Variants in TMLHE observed in about 807,000 individuals in gnomAD.
The protein encoded by TMLHE is trimethyllysine dioxygenase, mitochondrial.
Under a neutral mutation model 25.7 loss-of-function variants are expected in TMLHE, and 18 were observed. The ratio of observed to expected loss-of-function variants is 0.70; its 90% confidence interval spans 0.48 to 1.04. TMLHE has a LOEUF of 1.04. TMLHE is among the 50% of genes least tolerant of loss of function. The pLI is 0.00. For missense variants in TMLHE, 236 were observed against 259.0 expected, an observed-to-expected ratio of 0.91 and a Z score of 0.61; for synonymous variants, 105 against 97.0, an observed-to-expected ratio of 1.08 and a Z score of -0.49.
intron 4 of TMLHE, among the ~76,000 whole-genome samples, chrX:155,513,618 G>T (rs2067132508): frequency 9.1e-6 from 1 of 110,399 alleles, no homozygotes; most frequent in South Asian, 3.9e-4. Flanking sequence ...GTGTGTGTGT[G>T]TGTGTGTGTG....
chrX:155,548,552 G>T (rs1037158635), intron 1 of TMLHE, among the ~76,000 whole-genome samples: 4 of 107,179 alleles, frequency 3.7e-5, no homozygotes, highest in Non-Finnish European at 7.7e-5. Context: ...TGACTAACAT[G>T]GTGAAACCCT....
intron 3 of TMLHE, among the ~76,000 whole-genome samples, chrX:155,514,994 C>A (rs1383125563): frequency 3.6e-5 from 4 of 111,293 alleles, no homozygotes; most frequent in African/African-American, 9.8e-5. Context: ...ATGTTGACAA[C>A]TTGTCTCTCC....
chrX:155,548,747 G>GAC (rs1557339510), intron 1 of TMLHE, among the ~76,000 whole-genome samples: 1 of 106,531 alleles, frequency 9.4e-6, no homozygotes, highest in East Asian at 2.9e-4. Flanking sequence ...AAAAAAAAAA[G>GAC]ACATCCTACA....
At chrX:155,575,631 C>T (rs1557343707) in intron 1 of TMLHE, among the ~76,000 whole-genome samples, 2 of 111,998 alleles carry the variant, frequency 1.8e-5, no homozygotes, top group African/African-American at 6.5e-5. Context: ...CCAAATCCAG[C>T]AGCACAATAA....
chrX:155,527,068 C>T (rs1459072410), intron 2 of TMLHE, among the ~76,000 whole-genome samples: 2 of 111,743 alleles, frequency 1.8e-5, no homozygotes, highest in East Asian at 2.8e-4. Context: ...CGTTGGAAGG[C>T]GTGATTGGTT....
intron 1 of TMLHE, among the ~76,000 whole-genome samples, chrX:155,568,307 C>T (rs2067520089): frequency 1.6e-5 from 1 of 61,634 alleles, no homozygotes; most frequent in African/African-American, 3.6e-5. Context: ...ATTGCCCAGG[C>T]TTCCTTAGGT....
At position 155,574,342 on chromosome X, in the gene TMLHE, TG is replaced by T. The variant is rs1220812457; in HGVS notation, c.-1-29066del. Among the ~76,000 whole-genome samples, 18 of 111,924 alleles carry T rather than the reference TG, an allele frequency of 1.6e-4. 1 individual carries two copies. The highest frequency in any genetic ancestry group is 1.4e-3 in the Admixed American group (15 of 10,557). On this transcript the variant is annotated intron_variant, in intron 1 of 7. Coordinates refer to ENST00000334398, the MANE Select transcript of TMLHE (RefSeq NM_018196.4). The stretch of plus-strand genomic sequence containing the variant: ...TTGTCCCTGGGAGAACATGAGTCCT[TG>T]TCCACACAGAAAGTAAGAGTGAGAC...
At chrX:155,533,698 G>C (rs952510281) in intron 2 of TMLHE, among the ~76,000 whole-genome samples, 2 of 111,037 alleles carry the variant, frequency 1.8e-5, no homozygotes, top group African/African-American at 6.6e-5. Context: ...ACAGAATGCT[G>C]GTAGAAATGT....
chrX:155,593,847 AAAAC>A (rs2067706176), intron 1 of TMLHE, among the ~76,000 whole-genome samples: 1 of 111,544 alleles, frequency 9.0e-6, no homozygotes, highest in Non-Finnish European at 1.9e-5. Context: ...CAAGAAAAAA[AAAAC>A]AATCAGTGAG....
rs144914944 is a variant in TMLHE at position 155,508,640 on chromosome X, G to C, written c.759-1506C>G. ...CTGAGGAAAAATGGTCAGATATATA[G>C]GAAGAAAACTAGGAAAGAAGGAATA... On this transcript the variant is annotated intron_variant, in intron 5 of 7. Coordinates refer to ENST00000334398, the MANE Select transcript of TMLHE (RefSeq NM_018196.4). Among the ~76,000 whole-genome samples the C allele has an allele frequency of 6.5e-3, 726 of 111,008 alleles. 6 individuals carry two copies. The highest frequency in any genetic ancestry group is 0.023 in the African/African-American group (691 of 30,675).
chrX:155,514,403 T>C (rs1219115777), intron 3 of TMLHE, 138 bp from the exon 4 acceptor site: 1 of 609,605 alleles, frequency 1.6e-6, no homozygotes, highest in Non-Finnish European at 2.4e-6. Context: ...CAAATTAAAA[T>C]GAATGCCTAG....
intron 1 of TMLHE, among the ~76,000 whole-genome samples, chrX:155,580,672 G>A (rs7064354): frequency 0.093 from 10,405 of 111,381 alleles, 725 homozygotes; most frequent in African/African-American, 0.24. Context: ...ATAGCAGAAG[G>A]TGAAAGACAC....
intron 2 of TMLHE, among the ~76,000 whole-genome samples, chrX:155,542,935 GGTGTGT>G (rs781984053): frequency 5.6e-5 from 6 of 107,534 alleles, no homozygotes; most frequent in South Asian, 4.0e-4. Context: ...TATTTTAAGG[GGTGTGT>G]GTGTGTGTGT....
chrX:155,548,498 G>A (rs1301447349), intron 1 of TMLHE, among the ~76,000 whole-genome samples: 1 of 108,225 alleles, frequency 9.2e-6, no homozygotes, highest in African/African-American at 3.6e-5. Context: ...CACTTTGGGA[G>A]GTCAAGGCGG....
chrX:155,522,581 C>A (rs958919595), intron 3 of TMLHE, among the ~76,000 whole-genome samples: 2 of 112,133 alleles, frequency 1.8e-5, no homozygotes, highest in Non-Finnish European at 3.8e-5. Flanking sequence ...AACTCCTGGA[C>A]ACCAATAATC....
chrX:155,558,859 A>G (rs1325678238), intron 1 of TMLHE, among the ~76,000 whole-genome samples: 3 of 111,884 alleles, frequency 2.7e-5, no homozygotes, highest in Non-Finnish European at 5.6e-5. Context: ...TCATTCATTT[A>G]AGATATGTAA....
chrX:155,547,377 C>G (rs1163648418), intron 1 of TMLHE, among the ~76,000 whole-genome samples: 1 of 110,165 alleles, frequency 9.1e-6, no homozygotes, highest in Non-Finnish European at 1.9e-5. Context: ...ATCTCCTGAC[C>G]TCGTGATCCG....
chrX:155,507,345 A>AT (rs2067082321), intron 5 of TMLHE, among the ~76,000 whole-genome samples: 1 of 110,146 alleles, frequency 9.1e-6, no homozygotes, highest in Non-Finnish European at 1.9e-5. Context: ...TCTTCTAAAC[A>AT]TATCTAACAT....
chrX:155,600,253 G>A (rs183278410), intron 1 of TMLHE, among the ~76,000 whole-genome samples: 130 of 111,576 alleles, frequency 1.2e-3, no homozygotes, highest in African/African-American at 4.1e-3. Context: ...CATTCATGGC[G>A]ATCAATGTAT....
Sources: gnomAD v4.1 joint callset for allele counts (sites outside exome capture counted in the v4.1 genomes callset) on GRCh38, gnomAD v4.1.1 for gene constraint, MANE v1.5 for transcripts, NCBI Gene and HGNC (gene_info 2026-07-23, HGNC 2026-07-21) for gene names.